The following KDM4B variants were observed in gnomAD, a reference collection of about 807,000 sequenced individuals.
KDM4B encodes lysine demethylase 4B.
KDM4B carries 32 observed loss-of-function variants against 125.2 expected under a neutral mutation model. That is an observed-to-expected ratio of 0.26 (90% CI 0.19 to 0.34). KDM4B has a LOEUF of 0.34. Ranked by LOEUF, KDM4B falls within the 10% of genes least tolerant of loss-of-function variation. The pLI, the probability that KDM4B is intolerant of heterozygous loss-of-function variation, is 1.00. For synonymous variants in KDM4B, 721 were observed against 677.9 expected (o/e 1.06, Z -0.99); for missense variants, 1,190 against 1,577.7 (o/e 0.75, Z 4.16).
intron 10 of KDM4B, 90 bp downstream of exon 10, chr19:5,110,908 CT>C: frequency 1.9e-6 from 2 of 1,055,960 alleles, no homozygotes; most frequent in Non-Finnish European, 2.6e-6. Context: ...CTGGCAGGGG[CT>C]CCGGGCCGTG....
At chr19:4,973,110 C>T (rs149344821) in intron 1 of KDM4B, among the ~76,000 whole-genome samples, 7 of 152,360 alleles carry the variant, frequency 4.6e-5, no homozygotes, top group African/African-American at 1.7e-4. Context: ...TTAAAAATGA[C>T]TCACCTCTTT....
intron 2 of KDM4B, among the ~76,000 whole-genome samples, chr19:5,027,976 T>C (rs1365104397): frequency 6.6e-6 from 1 of 152,208 alleles, no homozygotes; most frequent in Non-Finnish European, 1.5e-5. Context: ...ATTTGATTTT[T>C]ATTCATTTAC....
chr19:5,097,765 G>GGT (rs2038855660), intron 9 of KDM4B, among the ~76,000 whole-genome samples: 1 of 152,232 alleles, frequency 6.6e-6, no homozygotes, highest in East Asian at 1.9e-4. Flanking sequence ...CTGGGTACTG[G>GGT]GTGCAGTGTT....
At chr19:5,104,250 C>T (rs956785598) in intron 9 of KDM4B, among the ~76,000 whole-genome samples, 4 of 152,214 alleles carry the variant, frequency 2.6e-5, no homozygotes, top group Non-Finnish European at 5.9e-5. Context: ...TTTCTGCTCC[C>T]GGGTCCCCTG....
Position 5,114,029 on chromosome 19 carries a change from CT to C in KDM4B, c.1115+3212del, listed in dbSNP as rs1047404304. ...TTGGGGGCTGTTTGTATTCTTCCCC[CT>C]GATGGATGGGTCGCCTAAAACTGCA... On this transcript the variant is annotated intron_variant, in intron 10 of 22. Coordinates refer to ENST00000159111, the MANE Select transcript of KDM4B (RefSeq NM_015015.3). This position sits in a 1 kb window ranked among gnomAD's most constrained non-coding sequence, Gnocchi z 5.8. 1.8e-5 allele frequency: 23 copies of C among 1,283,462 alleles called. No homozygotes were observed. The highest frequency in any genetic ancestry group is 2.2e-4 in the Middle Eastern group (1 of 4,648). The allele number at this position is 1,283,462 out of a possible 1,614,324, so 79.5% of individuals were successfully genotyped here. A position where few individuals can be genotyped will look rare whatever the true frequency, so the allele number is the denominator to read the frequency against.
At chr19:5,031,816 G>T (rs531283235) in intron 2 of KDM4B, among the ~76,000 whole-genome samples, 1 of 152,206 alleles carries the variant, frequency 6.6e-6, no homozygotes, top group Non-Finnish European at 1.5e-5. Context: ...CTTCAGGAGC[G>T]GGTGGCTGCA....
chr19:5,144,433 G>A, intron 20 of KDM4B, 21 bp downstream of exon 20: 1 of 1,547,410 alleles, frequency 6.5e-7, no homozygotes, highest in East Asian at 2.4e-5. Context: ...GGGTGGGGCA[G>A]GGGGCGGGGG....
intron 18 of KDM4B, among the ~76,000 whole-genome samples, chr19:5,138,843 C>T (rs1459170941): frequency 1.3e-5 from 2 of 152,216 alleles, no homozygotes; most frequent in African/African-American, 4.8e-5. Context: ...CACCCCAGCA[C>T]CCAGCACTCT....
chr19:5,116,670 A>G (rs948876263), intron 10 of KDM4B, among the ~76,000 whole-genome samples: 3 of 152,196 alleles, frequency 2.0e-5, no homozygotes, highest in South Asian at 2.1e-4. Context: ...AATGGCAGGG[A>G]GCTCAGAGAT....
rs573768270 is a variant in KDM4B at position 5,073,703 on chromosome 19, C to T, written c.676+2644C>T. 2.0e-5 allele frequency among the ~76,000 whole-genome samples: 3 copies of T among 152,332 alleles called. No homozygotes were observed. The East Asian group carries it at 5.8e-4, about 29-fold the overall frequency. ...TGACCAGTTCTACCCTGAGGCCAGG[C>T]CAGGCACCTGGAGGGCTGGTTTGGT... is the stretch of plus-strand genomic sequence containing the variant. On this transcript the variant is annotated intron_variant, in intron 7 of 22. Coordinates refer to ENST00000159111, the MANE Select transcript of KDM4B (RefSeq NM_015015.3).
chr19:4,972,447 G>C (rs1261829405), intron 1 of KDM4B, among the ~76,000 whole-genome samples: 1 of 152,164 alleles, frequency 6.6e-6, no homozygotes, highest in Non-Finnish European at 1.5e-5. Context: ...AAGGCCCTCT[G>C]CCCTGTCAGG....
intron 1 of KDM4B, among the ~76,000 whole-genome samples, chr19:5,005,980 C>T (rs1227436123): frequency 6.6e-6 from 1 of 152,182 alleles, no homozygotes; most frequent in Non-Finnish European, 1.5e-5. Context: ...TCGTGCTGCA[C>T]TTCAGGGCCT....
At chr19:5,041,001 T>A in intron 4 of KDM4B, 136 bp from the exon 5 acceptor site, 1 of 561,258 alleles carries the variant, frequency 1.8e-6, no homozygotes, top group East Asian at 3.2e-5. Flanking sequence ...CGTGGTACCC[T>A]AGGCGGGGCA....
chr19:5,049,399 G>T (rs1348837659), intron 6 of KDM4B, among the ~76,000 whole-genome samples: 1 of 152,086 alleles, frequency 6.6e-6, no homozygotes, highest in African/African-American at 2.4e-5. Context: ...CAGCTGGGGC[G>T]GGGCAGCGTT....
intron 15 of KDM4B, 44 bp downstream of exon 15, chr19:5,135,605 G>T: frequency 1.3e-6 from 2 of 1,486,016 alleles, no homozygotes; most frequent in Non-Finnish European, 1.8e-6. Flanking sequence ...CCCTCCTTCA[G>T]GGTGTTGGTG....
intron 1 of KDM4B, among the ~76,000 whole-genome samples, chr19:4,972,998 G>A (rs184580250): frequency 6.6e-6 from 1 of 152,258 alleles, no homozygotes; most frequent in Admixed American, 6.5e-5. Context: ...GCAGGTCCTT[G>A]CCCAGGCTTG....
chr19:5,133,834 T>G (rs2039600656), intron 13 of KDM4B, 49 bp from the exon 14 acceptor site: 2 of 1,590,964 alleles, frequency 1.3e-6, no homozygotes, highest in Non-Finnish European at 8.6e-7. Context: ...CTTGGACGAG[T>G]TTTTAGGGGG....
At chr19:5,072,738 C>T (rs929376989) in intron 7 of KDM4B, among the ~76,000 whole-genome samples, 2 of 152,238 alleles carry the variant, frequency 1.3e-5, no homozygotes, top group African/African-American at 4.8e-5. Flanking sequence ...CACGTTTATT[C>T]TCTCACCGTT....
At chr19:5,040,150 G>A in intron 4 of KDM4B, 139 bp downstream of exon 4, 1 of 969,824 alleles carries the variant, frequency 1.0e-6, no homozygotes. Flanking sequence ...CGTGTGGGCT[G>A]TGGCGACCCC....
Sources: gnomAD v4.1 joint callset for allele counts (sites outside exome capture counted in the v4.1 genomes callset) on GRCh38, gnomAD v4.1.1 for gene constraint, Gnocchi (gnomAD v3.1) non-coding constraint, MANE v1.5 for transcripts, NCBI Gene and HGNC (gene_info 2026-07-23, HGNC 2026-07-21) for gene names.